Variants in TAFA2 observed in about 807,000 individuals in gnomAD.
TAFA2 encodes TAFA chemokine like family member 2, also known as chemokine-like protein TAFA-2.
TAFA2 carries 7 observed loss-of-function variants against 18.8 expected under a neutral mutation model. The ratio of observed to expected loss-of-function variants is 0.37; its 90% CI spans 0.21 to 0.70. TAFA2 has a LOEUF of 0.70. TAFA2 is among the 30% of genes least tolerant of loss of function. The pLI is 0.53. For synonymous variants in TAFA2, 60 were observed against 54.2 expected (o/e 1.11, Z -0.47); for missense variants, 122 against 158.1 (o/e 0.77, Z 1.23).
At chr12:62,216,533 A>T (rs1468081883) in intron 1 of TAFA2, among the ~76,000 whole-genome samples, 3 of 152,200 alleles carry the variant, frequency 2.0e-5, no homozygotes, top group Admixed American at 2.0e-4. Context: ...TATCTTGGAG[A>T]ATGACAGTAA....
Position 62,084,109 on chromosome 12 carries a change from G to A in TAFA2, c.-2+107150C>T, listed in dbSNP as rs144787758. 4.0e-3 allele frequency among the ~76,000 whole-genome samples: 615 copies of A among 152,184 alleles called. 2 individuals are homozygous for A. Among genetic ancestry groups the A allele is most frequent in the African/African-American group, 0.014 (567 of 41,528 alleles). On this transcript the variant is annotated intron_variant, in intron 1 of 4. Transcript: ENST00000416284. ...AACCTTTCATCAAAATCTGTAATAG[G>A]TAAGCAAAGAGAAACAAAATCATCT...
intron 1 of TAFA2, among the ~76,000 whole-genome samples, chr12:61,884,973 C>T (rs1022428321): frequency 6.6e-6 from 1 of 151,824 alleles, no homozygotes; most frequent in Non-Finnish European, 1.5e-5. Flanking sequence ...TGAAGTAAGA[C>T]AATACTTGCT....
At chr12:61,853,581 G>A (rs17125424) in intron 2 of TAFA2, among the ~76,000 whole-genome samples, 3,119 of 152,220 alleles carry the variant, frequency 0.02, 103 homozygotes, top group African/African-American at 0.071. Context: ...TGGCAAAACT[G>A]GAAGCATCAC....
intron 1 of TAFA2, chr12:62,022,160 G>C: frequency 2.4e-6 from 1 of 409,178 alleles, no homozygotes; most frequent in Non-Finnish European, 4.9e-6. Flanking sequence ...AATGATTTCT[G>C]TCCTGGTTGG....
chr12:62,202,432 T>G, intron 1 of TAFA2, among the ~76,000 whole-genome samples: 1 of 152,054 alleles, frequency 6.6e-6, no homozygotes, highest in African/African-American at 2.4e-5. Flanking sequence ...CTGCAACTTC[T>G]GCCTCCCAGT....
At chr12:61,952,118 A>G (rs984293097) in intron 1 of TAFA2, among the ~76,000 whole-genome samples, 2 of 152,078 alleles carry the variant, frequency 1.3e-5, no homozygotes, top group Non-Finnish European at 2.9e-5. Context: ...GTGCACACAT[A>G]TATAGTCCCA....
At chr12:62,249,358 G>A (rs2062901565) in intron 1 of TAFA2, among the ~76,000 whole-genome samples, 1 of 151,456 alleles carries the variant, frequency 6.6e-6, no homozygotes. Flanking sequence ...CTGATTTCCA[G>A]GCTGCAGTCC....
At chr12:61,730,691 G>A (rs1870401757) in intron 4 of TAFA2, among the ~76,000 whole-genome samples, 3 of 152,142 alleles carry the variant, frequency 2.0e-5, no homozygotes, top group South Asian at 4.2e-4. Flanking sequence ...GGTAAGTGGG[G>A]AAAGTTGGCA....
chr12:61,981,508 C>T (rs1186903105), intron 1 of TAFA2, among the ~76,000 whole-genome samples: 1 of 152,152 alleles, frequency 6.6e-6, no homozygotes, highest in Non-Finnish European at 1.5e-5. Context: ...AAACTACCAT[C>T]ACAGTGAACA....
chr12:61,771,841 C>A (rs1870037496), intron 2 of TAFA2, among the ~76,000 whole-genome samples: 1 of 149,894 alleles, frequency 6.7e-6, no homozygotes. Flanking sequence ...AAAGAACAAA[C>A]CAAAACCAAA....
At chr12:61,715,960 G>A (rs183252857) in intron 4 of TAFA2, among the ~76,000 whole-genome samples, 43 of 152,004 alleles carry the variant, frequency 2.8e-4, no homozygotes, top group African/African-American at 9.9e-4. Context: ...AATGAAGCAC[G>A]ACTTTGATGT....
intron 4 of TAFA2, among the ~76,000 whole-genome samples, chr12:61,751,437 C>T (rs1161340301): frequency 6.6e-6 from 1 of 151,992 alleles, no homozygotes; most frequent in African/African-American, 2.4e-5. Flanking sequence ...TTTGGTTGTA[C>T]TCAAGAAGCT....
intron 2 of TAFA2, among the ~76,000 whole-genome samples, chr12:61,774,160 C>T (rs924211823): frequency 6.6e-6 from 1 of 151,150 alleles, no homozygotes; most frequent in East Asian, 1.9e-4. Flanking sequence ...GAACATAATC[C>T]AAAAATCAAA....
chr12:62,129,494 A>T (rs1167778907), intron 1 of TAFA2, among the ~76,000 whole-genome samples: 1 of 152,014 alleles, frequency 6.6e-6, no homozygotes, highest in Non-Finnish European at 1.5e-5. Flanking sequence ...CCACAAACCA[A>T]CATTTCTGCA....
At chr12:61,731,750 C>T (rs1246821125) in intron 4 of TAFA2, among the ~76,000 whole-genome samples, 2 of 152,016 alleles carry the variant, frequency 1.3e-5, no homozygotes, top group African/African-American at 2.4e-5. Flanking sequence ...CAGTTGAGGA[C>T]ACGGAACCTC....
At chr12:61,874,449 C>G (rs1874756473) in intron 1 of TAFA2, among the ~76,000 whole-genome samples, 1 of 152,116 alleles carries the variant, frequency 6.6e-6, no homozygotes, top group South Asian at 2.1e-4. Context: ...TAAGGATTTT[C>G]TGGCAACAAA....
At chr12:62,002,203 C>A (rs1260573527) in intron 1 of TAFA2, among the ~76,000 whole-genome samples, 1 of 152,140 alleles carries the variant, frequency 6.6e-6, no homozygotes, top group Non-Finnish European at 1.5e-5. Context: ...CTGTATATTG[C>A]ATGTATTCCA....
intron 1 of TAFA2, among the ~76,000 whole-genome samples, chr12:62,134,423 C>T (rs1256510529): frequency 6.6e-6 from 1 of 151,970 alleles, no homozygotes; most frequent in Non-Finnish European, 1.5e-5. Flanking sequence ...CATGTGAGGA[C>T]ACAGCATGAA....
intron 1 of TAFA2, among the ~76,000 whole-genome samples, chr12:62,106,271 T>C (rs1869446944): frequency 6.6e-6 from 1 of 151,542 alleles, no homozygotes; most frequent in South Asian, 2.1e-4. Context: ...GAGGCAGACA[T>C]TGCAGTGAGC....
Sources: gnomAD v4.1 joint callset for allele counts (sites outside exome capture counted in the v4.1 genomes callset) on GRCh38, gnomAD v4.1.1 for gene constraint, MANE v1.5 for transcripts, NCBI Gene and HGNC (gene_info 2026-07-23, HGNC 2026-07-21) for gene names.